Variants in TIMELESS observed in about 807,000 individuals in gnomAD.
TIMELESS encodes the protein timeless circadian regulator, also known as protein timeless homolog.
Under a neutral mutation model 164.3 loss-of-function variants are expected in TIMELESS, and 124 were observed. That is an observed-to-expected ratio of 0.75 (90% CI 0.65 to 0.88). The LOEUF (loss-of-function observed/expected upper bound fraction) is 0.88, where lower values mean the gene tolerates loss of function less well. Ranked by LOEUF, TIMELESS falls within the 40% of genes least tolerant of loss-of-function variation. The pLI is 0.00. For missense variants in TIMELESS, 1,422 were observed against 1,491.4 expected (o/e 0.95, Z 0.77); for synonymous variants, 564 against 563.4 (o/e 1.00, Z -0.02).
At position 56,434,057 on chromosome 12, in the gene TIMELESS, A is replaced by C; in HGVS notation, c.97+17T>G. ...TTCAAGCCAATTTTTTTCCTGTTTC[A>C]TCAAAAAGGTACTCACCTAAGCAAT... On this transcript the variant is annotated intron_variant, in intron 2 of 28. Coordinates refer to ENST00000553532, the MANE Select transcript of TIMELESS (RefSeq NM_003920.5). 1.2e-6 allele frequency: 2 copies of C among 1,613,540 alleles called. No homozygotes were observed. Among genetic ancestry groups the C allele is most frequent in the South Asian group, 2.2e-5 (2 of 91,058 alleles).
rs111431719 is a variant in TIMELESS, at chr12:56,423,905, G to T, written c.1869-11C>A. ...TCAGGCCACACCTCCCTGGAGCACAGATAGAAAAAAGGCTTTACCCAGGGG... is the reference window on the plus strand; with the variant it reads ...TCAGGCCACACCTCCCTGGAGCACATATAGAAAAAAGGCTTTACCCAGGGG... On this transcript the variant is annotated splice_polypyrimidine_tract_variant and intron_variant, in intron 15 of 28. Transcript: ENST00000553532. 802 of 1,611,686 alleles carry T rather than the reference G, an allele frequency of 5.0e-4. 1 individual carries two copies. In the Middle Eastern group the frequency reaches 5.3e-3, roughly 11 times the overall value.
intron 26 of TIMELESS, 145 bp downstream of exon 26, chr12:56,420,424 T>A (rs1592243099): frequency 3.0e-6 from 2 of 658,156 alleles, no homozygotes; most frequent in Non-Finnish European, 5.2e-6. Flanking sequence ...GCTGCAGGAA[T>A]CTTGGTCAGA....
At chr12:56,446,104 C>T (rs1868346693) in intron 1 of TIMELESS, among the ~76,000 whole-genome samples, 1 of 152,132 alleles carries the variant, frequency 6.6e-6, no homozygotes, top group African/African-American at 2.4e-5. Flanking sequence ...AAGGTTTTGT[C>T]ATGTTGCCCG....
In TIMELESS at chr12:56,430,231, T is replaced by A. The variant is rs907477555; in HGVS notation, c.960A>T (p.Lys320Asn). ...DLGKQPKKVP[K>N]RRQAARELSI... ...ACAGCTCTCGGGCGGCCTGGCGACGTTTAGGCACCTTTTTCGGCTGCTTTC... is the reference window on the plus strand; with the variant it reads ...ACAGCTCTCGGGCGGCCTGGCGACGATTAGGCACCTTTTTCGGCTGCTTTC... Residue 320 changes from lysine (K) to asparagine (N), a missense_variant, in exon 10 of 29, where the codon AAA becomes AAT. Coordinates refer to ENST00000553532, the MANE Select transcript of TIMELESS (RefSeq NM_003920.5). 9 of 1,613,774 alleles carry A rather than the reference T, an allele frequency of 5.6e-6. No individual in the cohort carries two copies. The African/African-American group carries it at 9.3e-5, about 17-fold the overall frequency.
chr12:56,429,689 T>G (rs1010400646), intron 10 of TIMELESS, among the ~76,000 whole-genome samples: 1 of 150,470 alleles, frequency 6.6e-6, no homozygotes, highest in African/African-American at 2.5e-5. Flanking sequence ...TTTTGTATTT[T>G]TTTTTTTAGT....
intron 1 of TIMELESS, among the ~76,000 whole-genome samples, chr12:56,448,508 C>T (rs1365398456): frequency 6.6e-6 from 1 of 151,746 alleles, no homozygotes. Context: ...GGGCGGATCA[C>T]GAAGTCAGGA....
chr12:56,437,493 G>T (rs1014042551), intron 1 of TIMELESS, among the ~76,000 whole-genome samples: 1 of 151,556 alleles, frequency 6.6e-6, no homozygotes, highest in Non-Finnish European at 1.5e-5. Flanking sequence ...GTACAATCAC[G>T]GCTCACTGTA....
intron 22 of TIMELESS, 32 bp from the exon 23 acceptor site, chr12:56,421,525 G>C (rs190673441): frequency 1.9e-6 from 3 of 1,597,084 alleles, no homozygotes; most frequent in Non-Finnish European, 2.6e-6. Flanking sequence ...ATACCCAAGG[G>C]TAACAGGGAA....
chr12:56,426,575 T>G (rs1881685344), intron 13 of TIMELESS, among the ~76,000 whole-genome samples: 1 of 151,740 alleles, frequency 6.6e-6, no homozygotes, highest in South Asian at 2.1e-4. Context: ...TTGTTTGTTT[T>G]TTGAGACGGA....
At chr12:56,447,182 G>GTTTTTTTTTTT (rs144004569) in intron 1 of TIMELESS, among the ~76,000 whole-genome samples, 1 of 89,246 alleles carries the variant, frequency 1.1e-5, no homozygotes. Flanking sequence ...GCTAATTTTT[G>GTTTTTTTTTTT]TTTTTTTTTT....
Position 56,422,939 on chromosome 12 carries a change from T to G in TIMELESS, c.2346A>C (p.Ala782=). The G allele has an allele frequency of 1.9e-6, 3 of 1,613,938 alleles. No homozygotes were observed. Among genetic ancestry groups the G allele is most frequent in the Non-Finnish European group, 2.5e-6 (3 of 1,180,004 alleles). ...YILGKFFALA[A]VNQKAFVELL... ...GCTCCACAAAGGCTTTTTGGTTGAC[T>G]GCAGCCAGTGCAAAAAATTTGCCCA... The change falls in exon 19 of 29, where the codon GCA becomes GCC. Residue 782 remains alanine (A), a synonymous_variant. Coordinates refer to ENST00000553532, the MANE Select transcript of TIMELESS (RefSeq NM_003920.5).
chr12:56,425,161 A>T lies in TIMELESS; in HGVS notation c.1579-9T>A. 6.2e-7 allele frequency: 1 copy of T among 1,610,300 alleles called. No homozygotes were observed. The highest frequency in any genetic ancestry group is 8.5e-7 in the Non-Finnish European group (1 of 1,179,234). On this transcript the variant is annotated splice_polypyrimidine_tract_variant and intron_variant, in intron 13 of 28. Transcript: ENST00000553532. ...CTCTTCTTTTGTTTGTTCTGTGGGG[A>T]AAGAATTGTATTAGGATGTCAAGAG...
At position 56,420,651 on chromosome 12, in the gene TIMELESS, T is replaced by C; in HGVS notation, c.3146A>G (p.Glu1049Gly). 1 of 1,614,234 alleles carries C rather than the reference T, an allele frequency of 6.2e-7. No homozygotes were observed. Among genetic ancestry groups the C allele is most frequent in the Non-Finnish European group, 8.5e-7 (1 of 1,180,040 alleles). ...SQAVPLVPLT[E>G]ENEEAMENEQ... ...GTTTTCCATGGCTTCCTCATTTTCC[T>C]CTGTGAGTGGCACCAATGGAACGGC... The change falls in exon 26 of 29, where the codon GAG becomes GGG. Residue 1049 changes from glutamate to glycine, a missense_variant. Transcript: ENST00000553532.
chr12:56,431,486 A>G lies in TIMELESS; in HGVS notation c.806T>C (p.Leu269Pro), dbSNP rs1261579348. 1 of 1,610,458 alleles carries G rather than the reference A, an allele frequency of 6.2e-7. No individual in the cohort carries two copies. The highest frequency in any genetic ancestry group is 1.1e-5 in the South Asian group (1 of 90,824). ...TGTCACTCACCTGTTGCCTCGCTGG[A>G]GGGCTCGAGTCTTCTTTTCTGCCAT... ...REMAEKKTRA[L>P]QRGNRHSRFG... The change falls in exon 8 of 29, where the codon CTC (leucine) becomes CCC (proline). Residue 269 changes from leucine (L) to proline (P), a missense_variant. Coordinates refer to ENST00000553532, the MANE Select transcript of TIMELESS (RefSeq NM_003920.5).
chr12:56,417,654 ACT>A lies in TIMELESS; in HGVS notation c.*60_*61del, dbSNP rs1366013376. On this transcript the variant is annotated 3_prime_UTR_variant, in exon 29 of 29. Coordinates refer to ENST00000553532, the MANE Select transcript of TIMELESS (RefSeq NM_003920.5). ...TTCTGGGTCCTGTATGACCCTTCCA[ACT>A]CTGACTTGAATGCACCATCTAAAAA... is the stretch of plus-strand genomic sequence containing the variant. 7.1e-6 allele frequency: 11 copies of A among 1,557,374 alleles called. No individual in the cohort carries two copies. The highest frequency in any genetic ancestry group is 1.4e-5 in the African/African-American group (1 of 73,670).
Position 56,422,121 on chromosome 12 carries a change from T to A in TIMELESS, c.2509A>T (p.Asn837Tyr). The A allele has an allele frequency of 6.2e-7, 1 of 1,614,126 alleles. No homozygotes were observed. The highest frequency in any genetic ancestry group is 8.5e-7 in the Non-Finnish European group (1 of 1,180,010). The change falls in exon 20 of 29, where the codon AAT becomes TAT. Residue 837 changes from asparagine (N) to tyrosine (Y), a missense_variant. Coordinates refer to ENST00000553532, the MANE Select transcript of TIMELESS (RefSeq NM_003920.5). ...GGCCTCTCACCTTCCACGTCCTTATTGGCGAGGTACAGCTCCCGAAGATGA... is the reference window on the plus strand; with the variant it reads ...GGCCTCTCACCTTCCACGTCCTTATAGGCGAGGTACAGCTCCCGAAGATGA... ...EAHLRELYLA[N>Y]KDVEGQDVVE... is the part of the protein sequence containing the mutation.
rs1250837180 is a variant in TIMELESS at position 56,429,086 on chromosome 12, C to T, written c.1101G>A (p.Arg367=). 1 of 1,613,616 alleles carries T rather than the reference C, an allele frequency of 6.2e-7. No individual in the cohort carries two copies. Among genetic ancestry groups the T allele is most frequent in the East Asian group, 2.2e-5 (1 of 44,896 alleles). Residue 367 remains arginine (R), a synonymous_variant, in exon 11 of 29, where the codon CGG becomes CGA. Coordinates refer to ENST00000553532, the MANE Select transcript of TIMELESS (RefSeq NM_003920.5). ...TCTCATCATGCTGCTGAGCTTTCTC[C>T]CGAAGCAGGTGATCCTGACATTTAA... is the stretch of plus-strand genomic sequence containing the variant. The part of the protein sequence containing the change: ...LMGSVKDHLL[R]EKAQQHDETY...
chr12:56,447,013 A>AT (rs763253463), intron 1 of TIMELESS, among the ~76,000 whole-genome samples: 6,666 of 139,390 alleles, frequency 0.048, 474 homozygotes, highest in African/African-American at 0.16. Context: ...AATTCTTTTT[A>AT]TTTTTTTTTT....
At position 56,429,103 on chromosome 12, in the gene TIMELESS, G is replaced by C; in HGVS notation, c.1087-3C>G. ...GCTTTCTCCCGAAGCAGGTGATCCT[G>C]ACATTTAAAAAAGAAAAAAAAAGAT... On this transcript the variant is annotated splice_region_variant and splice_polypyrimidine_tract_variant and intron_variant, in intron 10 of 28. Coordinates refer to ENST00000553532, the MANE Select transcript of TIMELESS (RefSeq NM_003920.5). The C allele has an allele frequency of 1.9e-6, 3 of 1,609,142 alleles. No homozygotes were observed. Among genetic ancestry groups the C allele is most frequent in the Non-Finnish European group, 2.5e-6 (3 of 1,178,754 alleles).
Sources: allele counts gnomAD v4.1 joint callset (sites outside exome capture counted in the v4.1 genomes callset), GRCh38; gene constraint gnomAD v4.1.1; transcripts MANE v1.5; gene names NCBI Gene and HGNC (gene_info 2026-07-23, HGNC 2026-07-21).